PRSS55: variants seen among roughly 807,000 people sequenced by gnomAD.
PRSS55 encodes the protein serine protease 55.
In PRSS55, 41 loss-of-function variants were observed where a neutral mutation model predicts 23.6. The observed-to-expected ratio is 1.74, with a 90% CI of 1.35 to 2.26. PRSS55 has a LOEUF of 2.26. PRSS55 is among the 30% of genes most tolerant of loss of function. The pLI is 0.00. For synonymous variants in PRSS55, 262 were observed against 175.5 expected, an observed-to-expected ratio of 1.49 and a Z score of -3.90; for missense variants, 669 against 439.1, an observed-to-expected ratio of 1.52 and a Z score of -4.68.
chr8:10,526,012 C>T lies in PRSS55; in HGVS notation c.154+273C>T, dbSNP rs1397786465. 3.3e-5 allele frequency among the ~76,000 whole-genome samples: 5 copies of T among 152,164 alleles called. No homozygotes were observed. The East Asian group carries it at 7.7e-4, about 24-fold the overall frequency. On this transcript the variant is annotated intron_variant, in intron 1 of 4. Transcript: ENST00000328655. ...AGAACTAGCTGAGACTGAGTCCTCC[C>T]ACTTGGAGGGGGACCACTACCCTGG... is the stretch of plus-strand genomic sequence containing the variant.
At chr8:10,550,083 T>C (rs926612099) in intron 4 of PRSS55, among the ~76,000 whole-genome samples, 2 of 152,128 alleles carry the variant, frequency 1.3e-5, no homozygotes, top group Non-Finnish European at 2.9e-5. Flanking sequence ...CATGCCCTGC[T>C]AATTTTTGTA....
intron 4 of PRSS55, chr8:10,545,019 G>C (rs1194277909): frequency 3.6e-5 from 35 of 985,102 alleles, no homozygotes; most frequent in Non-Finnish European, 3.7e-5. Context: ...TCAACAAACA[G>C]GACATGGTGG....
chr8:10,533,136 G>T, intron 4 of PRSS55, 88 bp downstream of exon 4: 2 of 1,394,534 alleles, frequency 1.4e-6, no homozygotes, highest in Non-Finnish European at 2.0e-6. Context: ...GCTGCAAATA[G>T]ACAATTCTGA....
At chr8:10,543,431 C>CTTTT (rs1563547223), downstream of PRSS55, among the ~76,000 whole-genome samples, 735 of 18,792 alleles carry the variant, frequency 0.039, 24 homozygotes, top group African/African-American at 0.06. Flanking sequence ...TTTCTTCCTT[C>CTTTT]CTTCCTTCCT....
In PRSS55 at chr8:10,525,601, G is replaced by C; in HGVS notation, c.16G>C (p.Val6Leu). The C allele has an allele frequency of 6.2e-7, 1 of 1,614,116 alleles. No individual in the cohort carries two copies. Among genetic ancestry groups the C allele is most frequent in the Non-Finnish European group, 8.5e-7 (1 of 1,179,998 alleles). The change falls in exon 1 of 5, where the codon GTG becomes CTG. Residue 6 changes from valine to leucine, a missense_variant. Val to Leu is a conservative substitution (Grantham distance 32, BLOSUM62 1). Transcript: ENST00000328655. MLLFS[V>L]LLLLSLVTGT... ...GCCCAGGGCCATGCTCCTGTTCTCAGTGTTGCTGCTCCTGTCCCTGGTCAC... is the reference window on the plus strand; with the variant it reads ...GCCCAGGGCCATGCTCCTGTTCTCACTGTTGCTGCTCCTGTCCCTGGTCAC...
chr8:10,539,918 C>A (rs569474701), downstream of PRSS55, among the ~76,000 whole-genome samples: 7 of 152,358 alleles, frequency 4.6e-5, no homozygotes, highest in East Asian at 1.3e-3. Flanking sequence ...TGGGCCTTCT[C>A]TCTTTTGAGG....
chr8:10,543,476 CTCTCTTTTTTT>C (rs1812726515), downstream of PRSS55, among the ~76,000 whole-genome samples: 2 of 28,140 alleles, frequency 7.1e-5, no homozygotes, highest in Non-Finnish European at 2.3e-4. Flanking sequence ...TTCTTTCTTT[CTCTCTTTTTTT>C]TTTTTTTCCA....
At chr8:10,541,750 A>G (rs1812663080), downstream of PRSS55, among the ~76,000 whole-genome samples, 1 of 152,090 alleles carries the variant, frequency 6.6e-6, no homozygotes, top group Admixed American at 6.6e-5. Context: ...GGTGGAAGCA[A>G]TGTTGCTGTT....
intron 4 of PRSS55, among the ~76,000 whole-genome samples, chr8:10,551,789 C>G (rs1481414108): frequency 6.6e-6 from 1 of 152,224 alleles, no homozygotes; most frequent in Non-Finnish European, 1.5e-5. Flanking sequence ...ACTCCTCCCT[C>G]TCCTGTGTCA....
rs776992762 is a variant in PRSS55, at chr8:10,531,419, G to A, written c.472G>A (p.Ala158Thr). Residue 158 changes from alanine to threonine, a missense_variant, in exon 3 of 5, where the codon GCC (alanine) becomes ACC (threonine). Ala to Thr is a moderately conservative substitution (Grantham distance 58). Coordinates refer to ENST00000328655, the MANE Select transcript of PRSS55 (RefSeq NM_198464.4). Reference protein sequence around the residue: ...FKRANMDNDIALLLLASPIKL... With the variant: ...FKRANMDNDITLLLLASPIKL... The stretch of plus-strand genomic sequence containing the variant: ...GAGAGCCAACATGGACAATGACATT[G>A]CCTTGCTGCTGCTGGCTTCGCCCAT... 3 of 1,614,124 alleles carry A rather than the reference G, an allele frequency of 1.9e-6. No individual in the cohort carries two copies. Among genetic ancestry groups the A allele is most frequent in the Non-Finnish European group, 2.5e-6 (3 of 1,180,062 alleles).
chr8:10,551,009 T>G (rs1254772538), intron 4 of PRSS55, among the ~76,000 whole-genome samples: 3 of 152,234 alleles, frequency 2.0e-5, no homozygotes, highest in African/African-American at 7.2e-5. Context: ...CCAGTACATT[T>G]TGAAATCCCC....
downstream of PRSS55, among the ~76,000 whole-genome samples, chr8:10,539,460 A>C (rs548298551): frequency 1.2e-4 from 19 of 152,320 alleles, no homozygotes; most frequent in African/African-American, 4.6e-4. Flanking sequence ...TACCTTAAAG[A>C]CAACAGCTTA....
chr8:10,548,351 G>A (rs1263940358), intron 4 of PRSS55, among the ~76,000 whole-genome samples: 2 of 152,124 alleles, frequency 1.3e-5, no homozygotes, highest in Non-Finnish European at 2.9e-5. Flanking sequence ...CACAGCCCTG[G>A]AGGGGGAGGG....
rs577882676 is a variant in PRSS55 at position 10,533,166 on chromosome 8, A to C, written c.741+118A>C. ...TTCTGAGTCTGGAAAATGTATGGGA[A>C]TTAGGGCCTGCAGCCATGAGAATGA... On this transcript the variant is annotated intron_variant, in intron 4 of 4. Coordinates refer to ENST00000328655, the MANE Select transcript of PRSS55 (RefSeq NM_198464.4). The C allele has an allele frequency of 4.5e-6, 5 of 1,102,924 alleles. No homozygotes were observed. In the African/African-American group the frequency reaches 7.8e-5, roughly 17 times the overall value. The allele number at this position is 1,102,924 out of a possible 1,614,324, so 68.3% of individuals were successfully genotyped here. A position where few individuals can be genotyped will look rare whatever the true frequency, so the allele number is the denominator to read the frequency against.
intron 1 of PRSS55, among the ~76,000 whole-genome samples, chr8:10,526,539 C>G (rs557800467): frequency 1.3e-5 from 2 of 152,354 alleles, no homozygotes; most frequent in African/African-American, 4.8e-5. Flanking sequence ...GCAGAATATG[C>G]TCCTCTAATG....
chr8:10,548,081 T>G (rs1001166471), intron 4 of PRSS55, among the ~76,000 whole-genome samples: 1 of 151,940 alleles, frequency 6.6e-6, no homozygotes, highest in African/African-American at 2.4e-5. Flanking sequence ...TGTGAAAGAG[T>G]GTCTCGGGGA....
At position 10,525,573 on chromosome 8, in the gene PRSS55, A is replaced by G. The variant is rs750928038; in HGVS notation, c.-13A>G. 6.8e-6 allele frequency: 11 copies of G among 1,610,198 alleles called. No individual in the cohort carries two copies. Among genetic ancestry groups the G allele is most frequent in the East Asian group, 2.2e-5 (1 of 44,746 alleles). ...CCTCTGTCACCCCCGGGCCCACAGC[A>G]CAGCCCAGGGCCATGCTCCTGTTCT... On this transcript the variant is annotated 5_prime_UTR_variant, in exon 1 of 5. Transcript: ENST00000328655.
At chr8:10,545,820 C>G (rs953276666) in intron 4 of PRSS55, among the ~76,000 whole-genome samples, 7 of 152,240 alleles carry the variant, frequency 4.6e-5, no homozygotes, top group Non-Finnish European at 5.9e-5. Flanking sequence ...CACTGTTGCT[C>G]TGCAATGCAA....
At chr8:10,550,770 T>A (rs1234081941) in intron 4 of PRSS55, among the ~76,000 whole-genome samples, 3 of 152,234 alleles carry the variant, frequency 2.0e-5, no homozygotes, top group Non-Finnish European at 2.9e-5. Flanking sequence ...ATACCTGTGT[T>A]AATCACCTGA....
Sources: gnomAD v4.1 joint callset for allele counts (sites outside exome capture counted in the v4.1 genomes callset) on GRCh38, gnomAD v4.1.1 for gene constraint, MANE v1.5 for transcripts, NCBI Gene and HGNC (gene_info 2026-07-23, HGNC 2026-07-21) for gene names.